SNTG2: variants seen among roughly 807,000 people sequenced by gnomAD.
SNTG2 encodes gamma-2-syntrophin.
SNTG2 carries 74 observed loss-of-function variants against 70.9 expected under a neutral mutation model. The ratio of observed to expected loss-of-function variants is 1.04; its 90% CI spans 0.86 to 1.27. SNTG2 has a LOEUF of 1.27. Among genes scored for constraint, SNTG2 ranks in the 50% most tolerant of loss-of-function variants. SNTG2 has a pLI of 0.00. For missense variants in SNTG2, 717 were observed against 690.7 expected, an observed-to-expected ratio of 1.04 and a Z score of -0.43; for synonymous variants, 278 against 273.8, an observed-to-expected ratio of 1.02 and a Z score of -0.15.
chr2:1,137,571 C>T, intron 4 of SNTG2, 51 bp from the exon 5 acceptor site: 2 of 1,592,276 alleles, frequency 1.3e-6, no homozygotes, highest in Non-Finnish European at 8.6e-7. Context: ...CATAACAAAG[C>T]ATGTCACTGA....
In SNTG2 at chr2:956,426, C is replaced by T. The variant is rs1660160530; in HGVS notation, c.72+5358C>T. On this transcript the variant is annotated intron_variant, in intron 1 of 16. Transcript: ENST00000308624. ...CCCCGTGGCTGCATCCTTCCTCCCT[C>T]GGGCCTTCACACACCTTGGTTGGGC... Among the ~76,000 whole-genome samples, 3 of 152,346 alleles carry T rather than the reference C, an allele frequency of 2.0e-5. No homozygotes were observed. In the South Asian group the frequency reaches 6.2e-4, roughly 32 times the overall value.
intron 8 of SNTG2, 68 bp from the exon 9 acceptor site, chr2:1,209,035 C>T: frequency 1.9e-6 from 3 of 1,583,494 alleles, no homozygotes; most frequent in Non-Finnish European, 2.6e-6. Context: ...CAGGTGCCTG[C>T]AGATGCCTCT....
At chr2:1,221,459 G>C (rs62654141) in intron 9 of SNTG2, among the ~76,000 whole-genome samples, 2 of 96,028 alleles carry the variant, frequency 2.1e-5, no homozygotes, top group African/African-American at 9.6e-5. Context: ...GTCTCTCTCT[G>C]TCTCTGTCTC....
At position 1,337,466 on chromosome 2, in the gene SNTG2, T is replaced by C. The variant is rs192836165; in HGVS notation, c.1488+21091T>C. ...TGATGTTGAACATCTTTTCATGTGC[T>C]TATTGGACACTTCTATATCTTCCCT... On this transcript the variant is annotated intron_variant, in intron 16 of 16. Transcript: ENST00000308624. Among the ~76,000 whole-genome samples, 165 of 152,334 alleles carry C rather than the reference T, an allele frequency of 1.1e-3. 1 individual carries two copies. Among genetic ancestry groups the C allele is most frequent in the African/African-American group, 3.5e-3 (147 of 41,582 alleles).
In SNTG2 at chr2:1,286,151, A is replaced by T. The variant is rs558868061; in HGVS notation, c.1284+18580A>T. Among the ~76,000 whole-genome samples, 14 of 152,312 alleles carry T rather than the reference A, an allele frequency of 9.2e-5. 1 individual carries two copies. Among genetic ancestry groups the T allele is most frequent in the Middle Eastern group, 3.4e-3 (1 of 294 alleles). ...TGGTGGCAGGGTTCCTCCTTCTGGA[A>T]CTAAGACCTCTAGGACAGCAGAACA... On this transcript the variant is annotated intron_variant, in intron 14 of 16. Transcript: ENST00000308624.
chr2:1,289,337 T>C (rs951308792), intron 14 of SNTG2, among the ~76,000 whole-genome samples: 4 of 152,026 alleles, frequency 2.6e-5, no homozygotes, highest in Non-Finnish European at 5.9e-5. Context: ...CCTGGGGCAC[T>C]GGGTGCTGCG....
At chr2:1,264,500 A>G (rs943708536) in intron 13 of SNTG2, among the ~76,000 whole-genome samples, 12 of 152,236 alleles carry the variant, frequency 7.9e-5, no homozygotes, top group South Asian at 2.1e-4. Context: ...GGATGTTGCA[A>G]GTGCCCCAAG....
intron 12 of SNTG2, among the ~76,000 whole-genome samples, chr2:1,254,099 G>C (rs1194372600): frequency 6.6e-6 from 1 of 152,216 alleles, no homozygotes; most frequent in African/African-American, 2.4e-5. Flanking sequence ...AATTTGACAT[G>C]AGATTTGGGC....
chr2:1,245,049 C>T (rs1172641474), intron 11 of SNTG2, among the ~76,000 whole-genome samples: 1 of 144,198 alleles, frequency 6.9e-6, no homozygotes, highest in Non-Finnish European at 1.5e-5. Context: ...CATGTTCTCA[C>T]TCATAGATGG....
At chr2:1,054,588 C>A (rs1270538204) in intron 1 of SNTG2, among the ~76,000 whole-genome samples, 1 of 152,092 alleles carries the variant, frequency 6.6e-6, no homozygotes, top group African/African-American at 2.4e-5. Context: ...TCCCTGTGAA[C>A]CCCACAGAGC....
rs1172073767 is a variant in SNTG2 at position 979,934 on chromosome 2, TAATAATTAAGTATATA to T, written c.72+28885_72+28900del. On this transcript the variant is annotated intron_variant, in intron 1 of 16. Transcript: ENST00000308624. ...ATGAAAGAATTATGCCACATTTTGT[TAATAATTAAGTATATA>T]AATAATTAAGTATATAAAAACAAAC... 4.6e-5 allele frequency among the ~76,000 whole-genome samples: 7 copies of T among 152,226 alleles called. No individual in the cohort carries two copies. The South Asian group carries it at 1.0e-3, about 23-fold the overall frequency.
intron 16 of SNTG2, among the ~76,000 whole-genome samples, chr2:1,327,365 G>C (rs1380180765): frequency 6.6e-6 from 1 of 152,056 alleles, no homozygotes; most frequent in African/African-American, 2.4e-5. Flanking sequence ...TGCTGTCTTA[G>C]TATTATATCT....
chr2:1,032,647 A>G (rs1003412726), intron 1 of SNTG2, among the ~76,000 whole-genome samples: 4 of 152,212 alleles, frequency 2.6e-5, no homozygotes, highest in African/African-American at 9.6e-5. Flanking sequence ...ATTAAGAAGG[A>G]CAACATGTAG....
chr2:1,337,209 G>A (rs4927639), intron 16 of SNTG2, among the ~76,000 whole-genome samples: 66,996 of 151,908 alleles, frequency 0.44, 14,865 homozygotes, highest in Middle Eastern at 0.55. Flanking sequence ...TATTGAACAA[G>A]AGTAGAATTG....
At chr2:1,167,338 A>G (rs963423198) in intron 7 of SNTG2, among the ~76,000 whole-genome samples, 2 of 150,350 alleles carry the variant, frequency 1.3e-5, no homozygotes, top group Non-Finnish European at 3.0e-5. Context: ...GGCCGCCCAC[A>G]GACGGCAGAA....
At chr2:1,224,071 G>A (rs1335976876) in intron 9 of SNTG2, among the ~76,000 whole-genome samples, 4 of 152,188 alleles carry the variant, frequency 2.6e-5, no homozygotes, top group Admixed American at 6.5e-5. Flanking sequence ...GTCTCCCTGT[G>A]GAGGAAGGGG....
chr2:1,188,957 T>C (rs1672413078), intron 8 of SNTG2, among the ~76,000 whole-genome samples: 1 of 152,090 alleles, frequency 6.6e-6, no homozygotes, highest in African/African-American at 2.4e-5. Context: ...GAAAGAAATA[T>C]TGAAATGGAG....
intron 16 of SNTG2, among the ~76,000 whole-genome samples, chr2:1,328,480 A>G (rs961080182): frequency 6.6e-6 from 1 of 152,190 alleles, no homozygotes; most frequent in African/African-American, 2.4e-5. Flanking sequence ...GTTTTGTGGC[A>G]CCAATTCTGG....
intron 2 of SNTG2, among the ~76,000 whole-genome samples, chr2:1,090,853 G>C (rs1664974426): frequency 6.6e-6 from 1 of 152,184 alleles, no homozygotes; most frequent in Admixed American, 6.5e-5. Context: ...CTTTTGTCTT[G>C]AAGTGTGCAT....
Sources: gnomAD v4.1 joint callset for allele counts (sites outside exome capture counted in the v4.1 genomes callset) on GRCh38, gnomAD v4.1.1 for gene constraint, MANE v1.5 for transcripts, NCBI Gene and HGNC (gene_info 2026-07-23, HGNC 2026-07-21) for gene names.